The following INTS7 variants were observed in gnomAD, a reference collection of about 807,000 sequenced individuals.
INTS7 encodes the protein integrator complex subunit 7, also known as chromosome 1 open reading frame 73.
In INTS7, 46 loss-of-function variants were observed where a neutral mutation model predicts 109.2. The ratio of observed to expected loss-of-function variants is 0.42; its 90% CI spans 0.33 to 0.54. The LOEUF is 0.54. Among genes scored for constraint, INTS7 ranks in the 20% least tolerant of loss-of-function variants. INTS7 has a pLI of 0.07. For synonymous variants in INTS7, 412 were observed against 402.9 expected, an observed-to-expected ratio of 1.02 and a Z score of -0.27; for missense variants, 929 against 1,132.4, an observed-to-expected ratio of 0.82 and a Z score of 2.58.
intron 13 of INTS7, among the ~76,000 whole-genome samples, chr1:211,974,814 T>C (rs780507861): frequency 2.8e-4 from 42 of 152,188 alleles, no homozygotes; most frequent in Non-Finnish European, 3.8e-4. Flanking sequence ...ACTTAGTCAG[T>C]AGCTGCCAGG....
intron 16 of INTS7, among the ~76,000 whole-genome samples, chr1:211,963,229 G>C (rs1273192418): frequency 6.6e-6 from 1 of 152,060 alleles, no homozygotes. Flanking sequence ...ACACAAACTA[G>C]AAAATCTAGA....
intron 4 of INTS7, among the ~76,000 whole-genome samples, chr1:212,012,268 G>C (rs112973363): frequency 6.6e-6 from 1 of 152,138 alleles, no homozygotes; most frequent in African/African-American, 2.4e-5. Context: ...AGGAGATTGG[G>C]GGGGGAGGGG....
intron 1 of INTS7, among the ~76,000 whole-genome samples, chr1:212,030,438 G>A (rs899742159): frequency 2.6e-5 from 4 of 151,996 alleles, no homozygotes; most frequent in African/African-American, 9.7e-5. Context: ...ACAGGTGCCT[G>A]CTACCACCCC....
intron 10 of INTS7, among the ~76,000 whole-genome samples, chr1:211,979,510 G>GACATTCACATAATAGACACATA (rs1405575245): frequency 6.6e-6 from 1 of 152,178 alleles, no homozygotes; most frequent in Non-Finnish European, 1.5e-5. Context: ...CTTCAACAAA[G>GACATTCACATAATAGACACATA]ATTGGCACAT....
At chr1:212,010,453 C>G (rs1203512093) in intron 5 of INTS7, among the ~76,000 whole-genome samples, 3 of 152,140 alleles carry the variant, frequency 2.0e-5, no homozygotes, top group Non-Finnish European at 4.4e-5. Context: ...CTAAATGCAA[C>G]TGGAAGACAC....
chr1:211,969,919 C>T (rs1435481312), intron 13 of INTS7, among the ~76,000 whole-genome samples: 1 of 151,952 alleles, frequency 6.6e-6, no homozygotes, highest in Non-Finnish European at 1.5e-5. Flanking sequence ...GGGGTTTCAC[C>T]GTGTTAACCA....
At chr1:212,030,808 T>C (rs1667128431) in intron 1 of INTS7, 1 of 152,216 alleles carries the variant, frequency 6.6e-6, no homozygotes, top group South Asian at 2.1e-4. Flanking sequence ...AAAGGCCTCA[T>C]ATTTGTTTAC....
Position 211,988,010 on chromosome 1 carries a change from T to G in INTS7, c.880-7A>C, listed in dbSNP as rs1251337232. 4 of 1,400,962 alleles carry G rather than the reference T, an allele frequency of 2.9e-6. No individual in the cohort carries two copies. The highest frequency in any genetic ancestry group is 3.5e-5 in the Admixed American group (2 of 57,584). The allele number at this position is 1,400,962 out of a possible 1,614,324, so 86.8% of individuals were successfully genotyped here. A position where few individuals can be genotyped will look rare whatever the true frequency, so the allele number is the denominator to read the frequency against. On this transcript the variant is annotated splice_region_variant and splice_polypyrimidine_tract_variant and intron_variant, in intron 7 of 19. Coordinates refer to ENST00000366994, the MANE Select transcript of INTS7 (RefSeq NM_015434.4). Reference sequence around the variant, plus strand: ...GGGCACACTCACAAAGTGCCTGGAATGCAGAAGAGAAATGAATATAGAAGT... The same window carrying G: ...GGGCACACTCACAAAGTGCCTGGAAGGCAGAAGAGAAATGAATATAGAAGT...
At chr1:212,022,996 C>T (rs1323167298) in intron 1 of INTS7, among the ~76,000 whole-genome samples, 2 of 152,262 alleles carry the variant, frequency 1.3e-5, no homozygotes, top group African/African-American at 2.4e-5. Context: ...AAGTGAGAAC[C>T]TACAGTATTT....
At position 211,942,005 on chromosome 1, in the gene INTS7, T is replaced by C. The variant is rs917383584; in HGVS notation, c.2708A>G (p.Asn903Ser). The change falls in exon 20 of 20, where the codon AAC becomes AGC. Residue 903 changes from asparagine (N) to serine (S), a missense_variant. Physicochemically the swap from Asn to Ser is conservative, Grantham distance 46. Transcript: ENST00000366994. This position sits in a 1 kb window ranked among gnomAD's most constrained non-coding sequence, Gnocchi z 4.2. ...TTTCACAGAAGATTCCACTGTAATG[T>C]TGTGTGTTCCAAGGATAGCAAAGTT... ...LLNFAILGTH[N>S]ITVESSVKDA... is the part of the protein sequence containing the mutation. 6 of 1,614,064 alleles carry C rather than the reference T, an allele frequency of 3.7e-6. No homozygotes were observed. The Admixed American group carries it at 6.7e-5, about 18-fold the overall frequency.
intron 17 of INTS7, 52 bp downstream of exon 17, chr1:211,952,517 T>G (rs1019619843): frequency 5.1e-6 from 8 of 1,578,256 alleles, no homozygotes; most frequent in East Asian, 2.2e-5. Context: ...CATAAATGTA[T>G]GAAAAACCCA....
At chr1:212,000,395 G>C (rs576050087) in intron 7 of INTS7, among the ~76,000 whole-genome samples, 40 of 152,292 alleles carry the variant, frequency 2.6e-4, no homozygotes, top group African/African-American at 9.1e-4. Context: ...TTTTAAAGTT[G>C]TATCTTCAGA....
chr1:212,027,470 C>A (rs1015343207), intron 1 of INTS7, among the ~76,000 whole-genome samples: 2 of 151,692 alleles, frequency 1.3e-5, no homozygotes, highest in Non-Finnish European at 2.9e-5. Context: ...TATTCTTCCA[C>A]CAAAAAAAAA....
rs1021857038 is a variant in INTS7, at chr1:211,940,772, C to T, written c.*1052G>A. ...TCTAGCATAACTCATCAAGTATAAA[C>T]CAAACCAATCACCAACCAAAGGAAA... On this transcript the variant is annotated 3_prime_UTR_variant, in exon 20 of 20. Coordinates refer to ENST00000366994, the MANE Select transcript of INTS7 (RefSeq NM_015434.4). The T allele has an allele frequency of 6.6e-6, 1 of 152,118 alleles. No homozygotes were observed. Among genetic ancestry groups the T allele is most frequent in the Admixed American group, 6.5e-5 (1 of 15,272 alleles). 9.4% of individuals were successfully genotyped at this position (152,118 alleles called of 1,614,324 possible). A position where few individuals can be genotyped will look rare whatever the true frequency, so the allele number is the denominator to read the frequency against.
chr1:211,980,346 C>A (rs1311585421), intron 10 of INTS7, among the ~76,000 whole-genome samples: 5 of 152,202 alleles, frequency 3.3e-5, no homozygotes, highest in African/African-American at 1.2e-4. Flanking sequence ...TTTCTTACTT[C>A]TATTAACTAT....
intron 5 of INTS7, among the ~76,000 whole-genome samples, chr1:212,008,915 G>A (rs1558051478): frequency 6.6e-6 from 1 of 152,062 alleles, no homozygotes; most frequent in Non-Finnish European, 1.5e-5. Context: ...ACCATCTCTT[G>A]ACTAAATTAT....
intron 7 of INTS7, among the ~76,000 whole-genome samples, chr1:211,990,020 T>C (rs1001732840): frequency 7.2e-5 from 11 of 152,098 alleles, no homozygotes; most frequent in African/African-American, 2.2e-4. Context: ...CTGAAGAATA[T>C]GGGGAAATAG....
chr1:212,007,386 T>A lies in INTS7; in HGVS notation c.620A>T (p.Asp207Val). The change falls in exon 6 of 20, where the codon GAT (aspartate) becomes GTT (valine). Residue 207 changes from aspartate to valine, a missense_variant. By Grantham distance (152) the Asp-to-Val change is radical (BLOSUM62 -3). Transcript: ENST00000366994. ...LIPILQHMHH[D>V]AILASSARQL... The stretch of plus-strand genomic sequence containing the variant: ...ACGAGCACTGGAAGCCAAGATTGCA[T>A]CATGGTGCATGTGCTGTAGAATGGG... 1 of 1,614,010 alleles carries A rather than the reference T, an allele frequency of 6.2e-7. No homozygotes were observed. The highest frequency in any genetic ancestry group is 2.2e-5 in the East Asian group (1 of 44,874).
In INTS7 at chr1:211,959,718, C is replaced by T. The variant is rs1663531142; in HGVS notation, c.2183+6712G>A. On this transcript the variant is annotated intron_variant, in intron 16 of 19. Coordinates refer to ENST00000366994, the MANE Select transcript of INTS7 (RefSeq NM_015434.4). This position sits in a 1 kb window ranked among gnomAD's most constrained non-coding sequence, Gnocchi z 4.2. ...TGGGAGTGAAACCAGGCGTGAACAACAATGGACCTTCCCCTGCCCTAAGTG... is the reference window on the plus strand; with the variant it reads ...TGGGAGTGAAACCAGGCGTGAACAATAATGGACCTTCCCCTGCCCTAAGTG... Among the ~76,000 whole-genome samples the T allele has an allele frequency of 1.3e-5, 2 of 152,170 alleles. No individual in the cohort carries two copies. Among genetic ancestry groups the T allele is most frequent in the Admixed American group, 6.5e-5 (1 of 15,280 alleles).
Sources: gnomAD v4.1 joint callset for allele counts (sites outside exome capture counted in the v4.1 genomes callset) on GRCh38, gnomAD v4.1.1 for gene constraint, Gnocchi (gnomAD v3.1) non-coding constraint, MANE v1.5 for transcripts, NCBI Gene and HGNC (gene_info 2026-07-23, HGNC 2026-07-21) for gene names.